Variants in PDE3A observed in about 807,000 individuals in gnomAD.
The protein encoded by PDE3A is cGMP-inhibited 3',5'-cyclic phosphodiesterase 3A.
PDE3A carries 43 observed loss-of-function variants against 98.3 expected under a neutral mutation model. The ratio of observed to expected loss-of-function variants is 0.44; its 90% CI spans 0.34 to 0.56. The LOEUF (loss-of-function observed/expected upper bound fraction) is 0.56, where lower values mean the gene tolerates loss of function less well. Among genes scored for constraint, PDE3A ranks in the 20% least tolerant of loss-of-function variants. The pLI, the probability that PDE3A is intolerant of heterozygous loss-of-function variation, is 0.01. For synonymous variants in PDE3A, 663 were observed against 567.9 expected (o/e 1.17, Z -2.38); for missense variants, 1,427 against 1,440.7 (o/e 0.99, Z 0.15).
intron 1 of PDE3A, among the ~76,000 whole-genome samples, chr12:20,482,570 T>C (rs532150133): frequency 1.3e-5 from 2 of 152,296 alleles, no homozygotes; most frequent in Non-Finnish European, 2.9e-5. Context: ...AAAATAAAAG[T>C]TTTTTTCTCA....
At position 20,370,246 on chromosome 12, in the gene PDE3A, T is replaced by C; in HGVS notation, c.960+2T>C. 6.5e-7 allele frequency: 1 copy of C among 1,530,706 alleles called. No homozygotes were observed. The highest frequency in any genetic ancestry group is 8.8e-7 in the Non-Finnish European group (1 of 1,141,926). The allele number at this position is 1,530,706 out of a possible 1,614,324, so 94.8% of individuals were successfully genotyped here. On this transcript the variant is annotated splice_donor_variant, in intron 1 of 15. Coordinates refer to ENST00000359062, the MANE Select transcript of PDE3A (RefSeq NM_000921.5). LOFTEE classifies it high-confidence loss of function. ...CTGCCCTGTATACCGAGGGAACAGG[T>C]AAGCACTGGCAACTCCTCTCTCGGC... is the stretch of plus-strand genomic sequence containing the variant.
intron 1 of PDE3A, among the ~76,000 whole-genome samples, chr12:20,454,418 T>C (rs1051823531): frequency 1.3e-5 from 2 of 152,222 alleles, no homozygotes; most frequent in African/African-American, 4.8e-5. Context: ...TCTTATTGGC[T>C]GCCTTCTTTA....
rs1945291952 is a variant in PDE3A, at chr12:20,463,690, A to G, written c.961-92970A>G. On this transcript the variant is annotated intron_variant, in intron 1 of 15. Transcript: ENST00000359062. Reference sequence around the variant, plus strand: ...TTGTTGTTTTCATATTTCTTTCAGTAGTCTCTCAATATATTTTTAAATATT... The same window carrying G: ...TTGTTGTTTTCATATTTCTTTCAGTGGTCTCTCAATATATTTTTAAATATT... Among the ~76,000 whole-genome samples, 3 of 152,298 alleles carry G rather than the reference A, an allele frequency of 2.0e-5. No homozygotes were observed. In the East Asian group the frequency reaches 5.8e-4, roughly 29 times the overall value.
chr12:20,544,337 T>C (rs978754326), intron 1 of PDE3A, among the ~76,000 whole-genome samples: 5 of 151,812 alleles, frequency 3.3e-5, no homozygotes, highest in Non-Finnish European at 5.9e-5. Context: ...TGATATATAA[T>C]TTATATTTTG....
At chr12:20,631,972 G>A (rs1944391304) in intron 6 of PDE3A, among the ~76,000 whole-genome samples, 1 of 152,082 alleles carries the variant, frequency 6.6e-6, no homozygotes, top group African/African-American at 2.4e-5. Context: ...GAAGAGTTTG[G>A]CGTTGAATCC....
At chr12:20,664,533 A>T (rs567755704) in intron 15 of PDE3A, among the ~76,000 whole-genome samples, 1 of 152,276 alleles carries the variant, frequency 6.6e-6, no homozygotes, top group African/African-American at 2.4e-5. Context: ...TTTGAATTGT[A>T]GCTCCAATAA....
chr12:20,441,767 C>A (rs1309026038), intron 1 of PDE3A, among the ~76,000 whole-genome samples: 1 of 152,100 alleles, frequency 6.6e-6, no homozygotes, highest in African/African-American at 2.4e-5. Context: ...ATTACTCTGT[C>A]TCATCTCACC....
intron 1 of PDE3A, among the ~76,000 whole-genome samples, chr12:20,499,334 A>T (rs902241016): frequency 3.3e-5 from 5 of 152,116 alleles, no homozygotes; most frequent in Non-Finnish European, 7.3e-5. Context: ...ATTTCCATGG[A>T]CCCTTACAAA....
intron 1 of PDE3A, among the ~76,000 whole-genome samples, chr12:20,540,023 C>A (rs569983511): frequency 6.6e-6 from 1 of 152,240 alleles, no homozygotes; most frequent in Non-Finnish European, 1.5e-5. Context: ...CCACCCTTAA[C>A]CACTGTGCAA....
intron 1 of PDE3A, among the ~76,000 whole-genome samples, chr12:20,395,734 A>G (rs1213582758): frequency 6.6e-6 from 1 of 150,432 alleles, no homozygotes; most frequent in Non-Finnish European, 1.5e-5. Context: ...ACATAGGTAT[A>G]TAACTAGAAA....
intron 1 of PDE3A, among the ~76,000 whole-genome samples, chr12:20,505,569 G>A (rs79435451): frequency 6.6e-6 from 1 of 152,028 alleles, no homozygotes; most frequent in South Asian, 2.1e-4. Context: ...AAAGAACTCA[G>A]TGTTTAATAA....
intron 2 of PDE3A, among the ~76,000 whole-genome samples, chr12:20,597,944 AAAAC>A (rs146876164): frequency 0.011 from 1,632 of 152,280 alleles, 26 homozygotes; most frequent in African/African-American, 0.038. Context: ...TTTGCAGTGG[AAAAC>A]AAACAAACAA....
intron 1 of PDE3A, among the ~76,000 whole-genome samples, chr12:20,531,754 C>T (rs906544527): frequency 1.3e-5 from 2 of 152,090 alleles, no homozygotes; most frequent in African/African-American, 2.4e-5. Context: ...AGACATTGCG[C>T]TATTATTAAA....
chr12:20,404,937 C>T (rs546027979), intron 1 of PDE3A, among the ~76,000 whole-genome samples: 2 of 148,824 alleles, frequency 1.3e-5, no homozygotes, highest in African/African-American at 2.5e-5. Context: ...TGGTTCCCTA[C>T]TGCTTGCCGA....
intron 1 of PDE3A, among the ~76,000 whole-genome samples, chr12:20,400,408 T>G (rs867966705): frequency 1.5e-4 from 15 of 102,552 alleles, no homozygotes; most frequent in Admixed American, 4.6e-4. Flanking sequence ...TTTTTTTTTT[T>G]TTTTTTTTTT....
At chr12:20,400,378 G>GGTTTTTTT (rs1944100431) in intron 1 of PDE3A, among the ~76,000 whole-genome samples, 1 of 106,112 alleles carries the variant, frequency 9.4e-6, no homozygotes, top group Non-Finnish European at 1.9e-5. Context: ...CGTTAACATT[G>GGTTTTTTT]GTTTTTTTTT....
chr12:20,377,941 G>A (rs1943601063), intron 1 of PDE3A, among the ~76,000 whole-genome samples: 1 of 151,688 alleles, frequency 6.6e-6, no homozygotes, highest in Non-Finnish European at 1.5e-5. Context: ...GTTATCTAAT[G>A]TCTCTTTAGA....
In PDE3A at chr12:20,481,818, G is replaced by A. The variant is rs1175830162; in HGVS notation, c.961-74842G>A. Among the ~76,000 whole-genome samples, 9 of 126,484 alleles carry A rather than the reference G, an allele frequency of 7.1e-5. No individual in the cohort carries two copies. The Admixed American group carries it at 8.8e-4, about 12-fold the overall frequency. The allele number at this position is 126,484 out of a possible 152,430, so 83.0% of individuals were successfully genotyped here. A position where few individuals can be genotyped will look rare whatever the true frequency, so the allele number is the denominator to read the frequency against. On this transcript the variant is annotated intron_variant, in intron 1 of 15. Coordinates refer to ENST00000359062, the MANE Select transcript of PDE3A (RefSeq NM_000921.5). ...AGTCTCTTGTCACCCAGGCTGGAAT[G>A]CAGGGGTGCGATCTCGGCTCACTGC... is the stretch of plus-strand genomic sequence containing the variant.
chr12:20,652,915 G>A (rs553357730), intron 14 of PDE3A, among the ~76,000 whole-genome samples: 3 of 152,114 alleles, frequency 2.0e-5, no homozygotes, highest in Non-Finnish European at 4.4e-5. Flanking sequence ...AGAAAGTTTT[G>A]TGTTTTTAAA....
Sources: gnomAD v4.1 joint callset for allele counts (sites outside exome capture counted in the v4.1 genomes callset) on GRCh38, gnomAD v4.1.1 for gene constraint, MANE v1.5 for transcripts, NCBI Gene and HGNC (gene_info 2026-07-23, HGNC 2026-07-21) for gene names.